The following FHAD1 variants were observed in gnomAD, a reference collection of about 807,000 sequenced individuals.
The protein encoded by FHAD1 is forkhead associated phosphopeptide binding domain 1.
Under a neutral mutation model 191.3 loss-of-function variants are expected in FHAD1, and 146 were observed. The ratio of observed to expected loss-of-function variants is 0.76; its 90% CI spans 0.67 to 0.88. FHAD1 has a LOEUF of 0.88. Ranked by LOEUF, FHAD1 falls within the 40% of genes least tolerant of loss-of-function variation. FHAD1 has a pLI of 0.00. For missense variants in FHAD1, 1,635 were observed against 1,785.8 expected (o/e 0.92, Z 1.52); for synonymous variants, 616 against 672.3 (o/e 0.92, Z 1.29).
At chr1:15,242,478 T>C (rs997367036), upstream of FHAD1, among the ~76,000 whole-genome samples, 3 of 152,150 alleles carry the variant, frequency 2.0e-5, no homozygotes, top group Admixed American at 6.6e-5. Flanking sequence ...ACCACATTCA[T>C]AAAGGTTCAC....
Position 15,252,650 on chromosome 1 carries a change from G to A in FHAD1, c.93+773G>A, listed in dbSNP as rs534955270. 8.5e-5 allele frequency among the ~76,000 whole-genome samples: 13 copies of A among 152,306 alleles called. No individual in the cohort carries two copies. In the South Asian group the frequency reaches 2.7e-3, roughly 32 times the overall value. On this transcript the variant is annotated intron_variant, in intron 2 of 33. Transcript: ENST00000688493. Reference sequence around the variant, plus strand: ...TGGTTCAGAAGGTGGGCACAGAGCTGGTGCTTTGGCCTTTGCCTGCTCTGG... The same window carrying A: ...TGGTTCAGAAGGTGGGCACAGAGCTAGTGCTTTGGCCTTTGCCTGCTCTGG...
chr1:15,272,378 G>C lies in FHAD1; in HGVS notation c.149G>C (p.Ser50Thr). ...ALIEYNEAEC[S>T]FVLQDFNSRN... is the part of the protein sequence containing the mutation. Reference sequence around the variant, plus strand: ...ATTGAATATAACGAGGCGGAGTGCAGCTTTGTTCTCCAGGACTTCAATTCC... The same window carrying C: ...ATTGAATATAACGAGGCGGAGTGCACCTTTGTTCTCCAGGACTTCAATTCC... The change falls in exon 3 of 34, where the codon AGC (serine) becomes ACC (threonine). Residue 50 changes from serine (S) to threonine (T), a missense_variant. Coordinates refer to ENST00000688493, the MANE Select transcript of FHAD1 (RefSeq NM_001391957.1). 6.4e-7 allele frequency: 1 copy of C among 1,551,754 alleles called. No homozygotes were observed. Among genetic ancestry groups the C allele is most frequent in the Non-Finnish European group, 8.7e-7 (1 of 1,147,010 alleles).
chr1:15,270,995 C>T (rs1366033788), intron 2 of FHAD1, among the ~76,000 whole-genome samples: 1 of 151,716 alleles, frequency 6.6e-6, no homozygotes, highest in African/African-American at 2.4e-5. Flanking sequence ...GAAAATTAGC[C>T]AGGCGTGGTG....
At chr1:15,375,559 T>G in intron 27 of FHAD1, 44 bp from the exon 28 acceptor site, 1 of 1,482,636 alleles carries the variant, frequency 6.7e-7, no homozygotes. Context: ...TGAAACAACT[T>G]CTTCCTGAGC....
chr1:15,324,208 G>A (rs1055467217), intron 10 of FHAD1, among the ~76,000 whole-genome samples: 1 of 152,146 alleles, frequency 6.6e-6, no homozygotes, highest in Non-Finnish European at 1.5e-5. Flanking sequence ...GGACCGGGCT[G>A]GGATTAGAGC....
At chr1:15,364,653 G>A (rs573897560) in intron 23 of FHAD1, among the ~76,000 whole-genome samples, 1 of 152,182 alleles carries the variant, frequency 6.6e-6, no homozygotes, top group South Asian at 2.1e-4. Context: ...TATAAGAAGA[G>A]CCTGGATTTC....
At chr1:15,308,050 G>A (rs1671070948) in intron 6 of FHAD1, among the ~76,000 whole-genome samples, 1 of 152,080 alleles carries the variant, frequency 6.6e-6, no homozygotes, top group Non-Finnish European at 1.5e-5. Context: ...TTTCTTCCCA[G>A]TCTCGGGTAT....
intron 2 of FHAD1, among the ~76,000 whole-genome samples, chr1:15,253,513 A>G (rs1027486002): frequency 2.0e-5 from 3 of 152,218 alleles, no homozygotes; most frequent in African/African-American, 7.2e-5. Flanking sequence ...AGCTTTCAGC[A>G]TACAAATCCT....
chr1:15,317,835 C>A lies in FHAD1; in HGVS notation c.1272C>A (p.Asp424Glu). 7.1e-6 allele frequency: 11 copies of A among 1,551,456 alleles called. No homozygotes were observed. The highest frequency in any genetic ancestry group is 9.6e-6 in the Non-Finnish European group (11 of 1,146,766). The change falls in exon 10 of 34, where the codon GAC (aspartate) becomes GAA (glutamate). Residue 424 changes from aspartate to glutamate, a missense_variant. Coordinates refer to ENST00000688493, the MANE Select transcript of FHAD1 (RefSeq NM_001391957.1). ...ELKLCKTQIQ[D>E]MEKEMKKLRA... ...TGAAACTTTTTCAGCAAATCCAAGA[C>A]ATGGAGAAAGAAATGAAGAAGCTTA... is the stretch of plus-strand genomic sequence containing the variant.
intron 14 of FHAD1, among the ~76,000 whole-genome samples, chr1:15,336,656 TC>T (rs1162883657): frequency 2.0e-5 from 3 of 152,296 alleles, no homozygotes; most frequent in Admixed American, 6.5e-5. Flanking sequence ...CTTCTTTCGC[TC>T]CTTTTCAATT....
chr1:15,310,165 CAT>C (rs1476576920), intron 7 of FHAD1, among the ~76,000 whole-genome samples: 1 of 152,156 alleles, frequency 6.6e-6, no homozygotes, highest in East Asian at 1.9e-4. Context: ...CCAGATTGGG[CAT>C]ATTGCTCCTA....
chr1:15,275,511 G>A (rs547926165), intron 3 of FHAD1, among the ~76,000 whole-genome samples: 2 of 152,150 alleles, frequency 1.3e-5, no homozygotes, highest in South Asian at 2.1e-4. Flanking sequence ...AACTGCTCTC[G>A]GCTCCCTTTC....
Position 15,345,145 on chromosome 1 carries a change from G to C in FHAD1, c.2193G>C (p.Arg731=). ...NRAKETLEEE[R]KRMQELESLL... is the part of the protein sequence containing the mutation. ...CGAAAGAGACTTTAGAGGAAGAACGGAAGAGAATGCAAGAACTGGAGAGCC... is the reference window on the plus strand; with the variant it reads ...CGAAAGAGACTTTAGAGGAAGAACGCAAGAGAATGCAAGAACTGGAGAGCC... Residue 731 remains arginine, a synonymous_variant, in exon 17 of 34, where the codon CGG becomes CGC. Transcript: ENST00000688493. 1 of 1,551,820 alleles carries C rather than the reference G, an allele frequency of 6.4e-7. No homozygotes were observed. The highest frequency in any genetic ancestry group is 2.0e-5 in the Admixed American group (1 of 50,984).
At chr1:15,265,463 C>T (rs1350132693) in intron 2 of FHAD1, among the ~76,000 whole-genome samples, 1 of 152,174 alleles carries the variant, frequency 6.6e-6, no homozygotes, top group Non-Finnish European at 1.5e-5. Context: ...TATCTAAATA[C>T]AGGAGGGAGT....
chr1:15,242,090 G>A (rs971358547), intron 1 of FHAD1, among the ~76,000 whole-genome samples: 37 of 152,024 alleles, frequency 2.4e-4, no homozygotes, highest in East Asian at 9.7e-4. Flanking sequence ...AAAAGTAGCC[G>A]GGCATGGTGG....
chr1:15,361,897 G>A (rs1373200947), intron 22 of FHAD1, among the ~76,000 whole-genome samples: 1 of 151,980 alleles, frequency 6.6e-6, no homozygotes, highest in Non-Finnish European at 1.5e-5. Context: ...CCAGCTACTC[G>A]GGAGGCTGAG....
Position 15,375,730 on chromosome 1 carries a change from G to A in FHAD1, c.3705G>A (p.Ala1235=), listed in dbSNP as rs999565529. The change falls in exon 28 of 34, where the codon GCG becomes GCA. Residue 1235 remains alanine (A), a splice_region_variant and synonymous_variant. Transcript: ENST00000688493. ...LPTLSRIEIL[A]PQNGLCNARF... is the part of the protein sequence containing the mutation. ...CTCTCTCAAGAATAGAGATCCTAGC[G>A]GTAACCAAAGAAAATTCTCTCTGCT... 2.6e-5 allele frequency: 40 copies of A among 1,530,276 alleles called. No homozygotes were observed. The highest frequency in any genetic ancestry group is 3.3e-5 in the Non-Finnish European group (38 of 1,140,704). 94.8% of individuals were successfully genotyped at this position (1,530,276 alleles called of 1,614,324 possible). A position where few individuals can be genotyped will look rare whatever the true frequency, so the allele number is the denominator to read the frequency against.
At chr1:15,293,605 C>A (rs1030009706) in intron 4 of FHAD1, among the ~76,000 whole-genome samples, 6 of 152,162 alleles carry the variant, frequency 3.9e-5, no homozygotes, top group Non-Finnish European at 7.4e-5. Flanking sequence ...GTAATCCCAG[C>A]TACTCAGGAG....
chr1:15,333,454 C>T (rs1002496241), intron 14 of FHAD1, among the ~76,000 whole-genome samples: 18 of 152,274 alleles, frequency 1.2e-4, no homozygotes, highest in South Asian at 2.1e-4. Flanking sequence ...CGGTTCTCAG[C>T]ATTTTATACA....
Sources: allele counts gnomAD v4.1 joint callset (sites outside exome capture counted in the v4.1 genomes callset), GRCh38; gene constraint gnomAD v4.1.1; transcripts MANE v1.5; gene names NCBI Gene and HGNC (gene_info 2026-07-23, HGNC 2026-07-21).